The following LRP1B variants were observed in gnomAD, a reference collection of about 807,000 sequenced individuals.
The protein encoded by LRP1B is low-density lipoprotein receptor-related protein 1B.
A neutral mutation model predicts 556.6 loss-of-function variants in LRP1B; 217 were observed. The observed-to-expected ratio is 0.39, with a 90% CI of 0.35 to 0.44. The LOEUF (loss-of-function observed/expected upper bound fraction) is 0.44, where lower values mean the gene tolerates loss of function less well. Among genes scored for constraint, LRP1B ranks in the 20% least tolerant of loss-of-function variants. The probability of loss-of-function intolerance (pLI) is 1.00; values close to 1 mark genes in which losing one functional copy is unlikely to be tolerated. For synonymous variants in LRP1B, 2,047 were observed against 1,865.8 expected (o/e 1.10, Z -2.50); for missense variants, 5,053 against 5,620.8 (o/e 0.90, Z 3.23).
chr2:141,562,200 C>T (rs940671863), intron 2 of LRP1B, among the ~76,000 whole-genome samples: 3 of 151,788 alleles, frequency 2.0e-5, no homozygotes, highest in African/African-American at 4.8e-5. Context: ...CTAAGCTGAC[C>T]TAGAGAATTC....
intron 63 of LRP1B, among the ~76,000 whole-genome samples, chr2:140,448,763 C>T (rs1434225213): frequency 6.6e-6 from 1 of 151,952 alleles, no homozygotes; most frequent in East Asian, 1.9e-4. Context: ...TAAGTATTCT[C>T]ATCACAAAAA....
intron 2 of LRP1B, among the ~76,000 whole-genome samples, chr2:141,711,419 G>C (rs549084731): frequency 2.0e-5 from 3 of 152,172 alleles, no homozygotes; most frequent in Non-Finnish European, 4.4e-5. Context: ...GAGTACAAAG[G>C]ATGAAGCTGA....
intron 86 of LRP1B, among the ~76,000 whole-genome samples, chr2:140,249,434 T>C (rs1473133595): frequency 6.6e-6 from 1 of 151,642 alleles, no homozygotes; most frequent in African/African-American, 2.4e-5. Flanking sequence ...TTATGATAGA[T>C]AAAAGAAGTC....
At chr2:142,065,943 T>C (rs930478344) in intron 1 of LRP1B, among the ~76,000 whole-genome samples, 13 of 151,422 alleles carry the variant, frequency 8.6e-5, no homozygotes, top group African/African-American at 2.7e-4. Flanking sequence ...TCTCTCCATC[T>C]GTGGGTTCAT....
intron 3 of LRP1B, among the ~76,000 whole-genome samples, chr2:141,362,613 T>A (rs1407622430): frequency 2.0e-5 from 3 of 152,228 alleles, no homozygotes; most frequent in African/African-American, 7.2e-5. Flanking sequence ...AATATGCATA[T>A]GACATTTCTT....
chr2:141,465,940 G>A (rs1682177106), intron 3 of LRP1B, among the ~76,000 whole-genome samples: 1 of 151,808 alleles, frequency 6.6e-6, no homozygotes, highest in Non-Finnish European at 1.5e-5. Context: ...CCAGGCTGGA[G>A]TGCAATGGCA....
chr2:141,521,681 T>G (rs1684534645), intron 2 of LRP1B, among the ~76,000 whole-genome samples: 1 of 152,034 alleles, frequency 6.6e-6, no homozygotes, highest in Admixed American at 6.6e-5. Flanking sequence ...ATTTATATTG[T>G]GTCAAATCAC....
Position 140,770,957 on chromosome 2 carries a change from T to C in LRP1B, c.5550A>G (p.Leu1850=), listed in dbSNP as rs770343250. The C allele has an allele frequency of 1.3e-6, 2 of 1,591,460 alleles. No individual in the cohort carries two copies. The highest frequency in any genetic ancestry group is 1.2e-5 in the South Asian group (1 of 86,828). ...AAGTCCTTGTAGTTTCAGATGTTGG[T>C]AAACAAAGTTGAGAGCATCCACCAT... is the stretch of plus-strand genomic sequence containing the variant. ...LNNGGCSQLC[L]PTSETTRTCM... Residue 1850 remains leucine (L), a synonymous_variant, in exon 34 of 91, where the codon TTA becomes TTG. Coordinates refer to ENST00000389484, the MANE Select transcript of LRP1B (RefSeq NM_018557.3).
chr2:142,037,802 ATTTT>A (rs377767123), intron 1 of LRP1B, among the ~76,000 whole-genome samples: 1 of 151,374 alleles, frequency 6.6e-6, no homozygotes, highest in East Asian at 1.9e-4. Context: ...TACCCTAAAC[ATTTT>A]TTTTAAGAGC....
intron 1 of LRP1B, among the ~76,000 whole-genome samples, chr2:141,891,758 T>C (rs1366102454): frequency 6.6e-6 from 1 of 152,122 alleles, no homozygotes; most frequent in Non-Finnish European, 1.5e-5. Context: ...TGTACTTAGA[T>C]ATACATCTGC....
chr2:142,118,726 T>C (rs1707357390), intron 1 of LRP1B, among the ~76,000 whole-genome samples: 1 of 152,142 alleles, frequency 6.6e-6, no homozygotes, highest in Non-Finnish European at 1.5e-5. Flanking sequence ...TTTCTGCTGT[T>C]TTTATTTACT....
chr2:140,408,032 C>G (rs966188609), intron 66 of LRP1B, among the ~76,000 whole-genome samples: 1 of 151,908 alleles, frequency 6.6e-6, no homozygotes, highest in Non-Finnish European at 1.5e-5. Context: ...TTTGCAGCAA[C>G]TTGGATGGAG....
intron 3 of LRP1B, among the ~76,000 whole-genome samples, chr2:141,265,474 C>T (rs1684850612): frequency 6.6e-6 from 1 of 152,220 alleles, no homozygotes. Flanking sequence ...ACCCTGCATG[C>T]ATAAGAGCCT....
intron 43 of LRP1B, among the ~76,000 whole-genome samples, chr2:140,583,427 T>C (rs1681860917): frequency 2.0e-5 from 3 of 151,992 alleles, no homozygotes; most frequent in Non-Finnish European, 4.4e-5. Context: ...CCACTTGCCT[T>C]GACCTCCCAA....
At position 140,341,447 on chromosome 2, in the gene LRP1B, AC is replaced by A. The variant is rs1189609975; in HGVS notation, c.11893-5610del. ...CAAATGACAACAGAGCCTTTGGAAG[AC>A]CTAAAAACACATTATGTGGGATGAG... On this transcript the variant is annotated intron_variant, in intron 77 of 90. Transcript: ENST00000389484. 7.3e-5 allele frequency among the ~76,000 whole-genome samples: 11 copies of A among 151,596 alleles called. No individual in the cohort carries two copies. The South Asian group carries it at 2.3e-3, about 31-fold the overall frequency.
At chr2:141,822,991 A>G (rs1264167215) in intron 1 of LRP1B, among the ~76,000 whole-genome samples, 2 of 152,216 alleles carry the variant, frequency 1.3e-5, no homozygotes, top group Non-Finnish European at 2.9e-5. Flanking sequence ...GAGTTCAGAT[A>G]AGGAGAAGAT....
intron 87 of LRP1B, among the ~76,000 whole-genome samples, chr2:140,245,448 T>A (rs927853529): frequency 9.9e-5 from 15 of 151,536 alleles, no homozygotes; most frequent in African/African-American, 1.2e-4. Flanking sequence ...TTTTAAAAAA[T>A]TTTTTAAATT....
chr2:140,726,384 A>AGT (rs1195421197), intron 35 of LRP1B, among the ~76,000 whole-genome samples: 1 of 152,206 alleles, frequency 6.6e-6, no homozygotes, highest in Non-Finnish European at 1.5e-5. Context: ...TATAGGCACC[A>AGT]GATCTCTTAG....
intron 46 of LRP1B, 115 bp downstream of exon 46, chr2:140,536,466 A>C: frequency 2.0e-6 from 2 of 996,334 alleles, no homozygotes; most frequent in Non-Finnish European, 1.5e-6. Flanking sequence ...GATACAGGTT[A>C]ATGAGAGACA....
Sources: allele counts gnomAD v4.1 joint callset (sites outside exome capture counted in the v4.1 genomes callset), GRCh38; gene constraint gnomAD v4.1.1; transcripts MANE v1.5; gene names NCBI Gene and HGNC (gene_info 2026-07-23, HGNC 2026-07-21).